RHCE: variants seen among roughly 807,000 people sequenced by gnomAD.
The protein encoded by RHCE is Rh blood group CcEe antigens.
Under a neutral mutation model 43.8 loss-of-function variants are expected in RHCE, and 22 were observed. That is an observed-to-expected ratio of 0.50 (90% CI 0.36 to 0.72). The LOEUF is 0.72. Among genes scored for constraint, RHCE ranks in the 30% least tolerant of loss-of-function variants. RHCE has a pLI of 0.00. For missense variants in RHCE, 385 were observed against 525.4 expected (o/e 0.73, Z 2.61); for synonymous variants, 156 against 210.7 (o/e 0.74, Z 2.25).
intron 2 of RHCE, among the ~76,000 whole-genome samples, chr1:25,428,126 T>C (rs771253369): frequency 7.2e-5 from 11 of 152,218 alleles, no homozygotes; most frequent in Non-Finnish European, 1.0e-4. Context: ...GTCTATTTAA[T>C]AGTAGGCTAG....
At chr1:25,376,957 A>C (rs893980684) in intron 7 of RHCE, among the ~76,000 whole-genome samples, 6 of 152,072 alleles carry the variant, frequency 3.9e-5, no homozygotes. Flanking sequence ...AGATAAAAAG[A>C]GTTGCCACCC....
At chr1:25,376,720 C>T (rs1444972838) in intron 7 of RHCE, among the ~76,000 whole-genome samples, 1 of 152,090 alleles carries the variant, frequency 6.6e-6, no homozygotes, top group Non-Finnish European at 1.5e-5. Flanking sequence ...GGAGACCATC[C>T]TGGCTAACAC....
intron 7 of RHCE, among the ~76,000 whole-genome samples, chr1:25,382,911 A>T (rs1305149201): frequency 2.0e-5 from 3 of 152,380 alleles, no homozygotes; most frequent in Middle Eastern, 3.4e-3. Context: ...ATTTAAATAA[A>T]TGAATTTAAA....
intron 7 of RHCE, among the ~76,000 whole-genome samples, chr1:25,379,495 A>T (rs2518084): frequency 0.012 from 326 of 26,894 alleles, 11 homozygotes; most frequent in Middle Eastern, 0.042. Flanking sequence ...ATATATATAT[A>T]TTTTTTTTTT....
At chr1:25,381,360 A>G (rs1275108084) in intron 7 of RHCE, among the ~76,000 whole-genome samples, 1 of 152,062 alleles carries the variant, frequency 6.6e-6, no homozygotes, top group African/African-American at 2.4e-5. Flanking sequence ...TTCAGTAACC[A>G]TTAAGAAGTT....
At chr1:25,390,613 C>T (rs1646326351) in intron 5 of RHCE, 136 bp downstream of exon 5, 2 of 1,062,928 alleles carry the variant, frequency 1.9e-6, no homozygotes, top group African/African-American at 1.5e-5. Flanking sequence ...TAGAGCTCCA[C>T]TGTAGAGGCA....
At chr1:25,383,709 C>T (rs1418089323) in intron 7 of RHCE, among the ~76,000 whole-genome samples, 1 of 152,036 alleles carries the variant, frequency 6.6e-6, no homozygotes, top group African/African-American at 2.4e-5. Flanking sequence ...AAGAGGATAA[C>T]TGCTTCTTGG....
At chr1:25,384,863 A>C (rs1346753511) in intron 7 of RHCE, among the ~76,000 whole-genome samples, 7 of 152,198 alleles carry the variant, frequency 4.6e-5, no homozygotes, top group Non-Finnish European at 8.8e-5. Flanking sequence ...CGGTTGTGAG[A>C]ATTCAAGGAG....
intron 2 of RHCE, among the ~76,000 whole-genome samples, chr1:25,406,250 CGTGTGTGT>C (rs35366666): frequency 0.039 from 4,511 of 117,042 alleles, 672 homozygotes; most frequent in African/African-American, 0.11. Context: ...TGCGTGCGTG[CGTGTGTGT>C]GTGTGTGTGT....
chr1:25,386,308 G>A (rs1341129450), intron 6 of RHCE, among the ~76,000 whole-genome samples: 2 of 152,132 alleles, frequency 1.3e-5, no homozygotes, highest in African/African-American at 2.4e-5. Context: ...TCCCCTGGGG[G>A]GTGACCAAGA....
chr1:25,362,353 T>C lies in RHCE; in HGVS notation c.*174A>G. 5 of 1,440,526 alleles carry C rather than the reference T, an allele frequency of 3.5e-6. No homozygotes were observed. Among genetic ancestry groups the C allele is most frequent in the Non-Finnish European group, 4.7e-6 (5 of 1,055,428 alleles). 89.2% of individuals were successfully genotyped at this position (1,440,526 alleles called of 1,614,324 possible). A position where few individuals can be genotyped will look rare whatever the true frequency, so the allele number is the denominator to read the frequency against. ...TATTTTAAACTTATTAAATTGACTC[T>C]TAAACTAAGTTTTTAGTCTTTAATT... On this transcript the variant is annotated 3_prime_UTR_variant, in exon 10 of 10. Transcript: ENST00000294413.
chr1:25,406,335 C>T lies in RHCE; in HGVS notation c.335+2348G>A, dbSNP rs1383594029. Among the ~76,000 whole-genome samples, 7 of 121,018 alleles carry T rather than the reference C, an allele frequency of 5.8e-5. 3 individuals carry two copies. The highest frequency in any genetic ancestry group is 7.6e-5 in the African/African-American group (3 of 39,274). 79.4% of individuals were successfully genotyped at this position (121,018 alleles called of 152,430 possible). A position where few individuals can be genotyped will look rare whatever the true frequency, so the allele number is the denominator to read the frequency against. On this transcript the variant is annotated intron_variant, in intron 2 of 9. Transcript: ENST00000294413. ...TTTTTGTTTTGTTTTGTTTTTGAGA[C>T]GGAGCCTCACTCTGTCGCCCAGGCT...
chr1:25,373,015 T>G (rs1009952779), intron 8 of RHCE, among the ~76,000 whole-genome samples: 2 of 151,482 alleles, frequency 1.3e-5, no homozygotes, highest in African/African-American at 4.9e-5. Context: ...AGGATTGCCC[T>G]GGCTTGAACT....
chr1:25,427,282 G>A (rs866890711), intron 2 of RHCE, among the ~76,000 whole-genome samples: 1 of 152,210 alleles, frequency 6.6e-6, no homozygotes, highest in Non-Finnish European at 1.5e-5. Context: ...GGGCTCAGCT[G>A]AAGCCCAAGT....
chr1:25,421,164 C>T (rs2281179), upstream of RHCE, among the ~76,000 whole-genome samples: 74,342 of 149,632 alleles, frequency 0.5, 18,322 homozygotes, highest in Non-Finnish European at 0.53. Flanking sequence ...CGGATCAATA[C>T]TCCTATTTTA....
At chr1:25,381,340 T>C (rs908818134) in intron 7 of RHCE, among the ~76,000 whole-genome samples, 3 of 152,168 alleles carry the variant, frequency 2.0e-5, no homozygotes, top group African/African-American at 7.2e-5. Context: ...AGCATTCTGA[T>C]CTCAACGACT....
intron 2 of RHCE, among the ~76,000 whole-genome samples, chr1:25,404,169 CAAAAAAAA>C (rs3079571): frequency 1.1e-5 from 1 of 90,984 alleles, no homozygotes; most frequent in African/African-American, 4.3e-5. Flanking sequence ...CTCTGTCTCA[CAAAAAAAA>C]AAAAAAAAAA....
intron 8 of RHCE, among the ~76,000 whole-genome samples, chr1:25,374,278 A>G (rs1445117868): frequency 2.0e-5 from 3 of 151,788 alleles, no homozygotes; most frequent in East Asian, 1.9e-4. Context: ...TAGTAGAGAC[A>G]GGGTTTCACC....
Position 25,362,259 on chromosome 1 carries a change from C to G in RHCE, c.*268G>C. The G allele has an allele frequency of 1.4e-6, 1 of 696,094 alleles. No individual in the cohort carries two copies. The highest frequency in any genetic ancestry group is 2.3e-6 in the Non-Finnish European group (1 of 430,662). 43.1% of individuals were successfully genotyped at this position (696,094 alleles called of 1,614,324 possible). On this transcript the variant is annotated 3_prime_UTR_variant, in exon 10 of 10. Transcript: ENST00000294413. The stretch of plus-strand genomic sequence containing the variant: ...CTTAAGAATTGTCAATAAAATTAAC[C>G]CAAAACTTTAATAATGTGTCTGTAA...
Sources: allele counts gnomAD v4.1 joint callset (sites outside exome capture counted in the v4.1 genomes callset), GRCh38; gene constraint gnomAD v4.1.1; transcripts MANE v1.5; gene names NCBI Gene and HGNC (gene_info 2026-07-23, HGNC 2026-07-21).